PTK2: variants seen among roughly 807,000 people sequenced by gnomAD.
The protein encoded by PTK2 is protein tyrosine kinase 2.
In PTK2, 45 loss-of-function variants were observed where a neutral mutation model predicts 150.1. That is an observed-to-expected ratio of 0.30 (90% CI 0.24 to 0.38). The LOEUF (loss-of-function observed/expected upper bound fraction) is 0.38. Among genes scored for constraint, PTK2 ranks in the 10% least tolerant of loss-of-function variants. PTK2 has a pLI of 1.00. For missense variants in PTK2, 919 were observed against 1,307.3 expected (o/e 0.70, Z 4.58); for synonymous variants, 432 against 449.2 (o/e 0.96, Z 0.48).
At chr8:140,739,082 T>C in exon 21 of PTK2, 1 of 1,559,354 alleles carries the variant, frequency 6.4e-7, no homozygotes, top group African/African-American at 1.4e-5. Context: ...GAGCCATCCA[T>C]TTAATAGGCA....
At chr8:140,670,749 G>C (rs2095226467) in intron 29 of PTK2, among the ~76,000 whole-genome samples, 1 of 152,098 alleles carries the variant, frequency 6.6e-6, no homozygotes. Flanking sequence ...GAGAGTCACA[G>C]TGTGGTCTTC....
At chr8:140,798,062 T>C (rs118014506) in intron 12 of PTK2, among the ~76,000 whole-genome samples, 2 of 152,314 alleles carry the variant, frequency 1.3e-5, no homozygotes, top group East Asian at 3.9e-4. Context: ...CACTTATTAC[T>C]GTCATGCTAT....
At chr8:140,881,887 G>A (rs1300106698) in intron 3 of PTK2, among the ~76,000 whole-genome samples, 1 of 152,188 alleles carries the variant, frequency 6.6e-6, no homozygotes, top group Non-Finnish European at 1.5e-5. Flanking sequence ...ACGTAAGAGA[G>A]AGAATCTTAT....
intron 30 of PTK2, 97 bp downstream of exon 34, chr8:140,668,172 G>T: frequency 7.1e-7 from 1 of 1,410,810 alleles, no homozygotes; most frequent in Non-Finnish European, 9.9e-7. Flanking sequence ...TTCTGACTTT[G>T]GTGGGGCGGG....
chr8:140,952,995 G>C (rs1356160374), intron 1 of PTK2, among the ~76,000 whole-genome samples: 1 of 152,032 alleles, frequency 6.6e-6, no homozygotes, highest in Non-Finnish European at 1.5e-5. Flanking sequence ...CAGCATCTTC[G>C]CAATAACCCC....
intron 27 of PTK2, among the ~76,000 whole-genome samples, chr8:140,676,588 G>C (rs140682582): frequency 7.5e-6 from 1 of 132,866 alleles, no homozygotes; most frequent in Non-Finnish European, 1.7e-5. Context: ...TGGGGACTTC[G>C]AAGAGTTGCC....
chr8:140,817,214 A>T (rs73714759), intron 10 of PTK2, among the ~76,000 whole-genome samples: 3,363 of 152,078 alleles, frequency 0.022, 133 homozygotes, highest in African/African-American at 0.078. Context: ...AAAACACAGA[A>T]GATTACTAAA....
chr8:140,751,903 C>T (rs776840625), intron 17 of PTK2: 7 of 534,422 alleles, frequency 1.3e-5, no homozygotes, highest in South Asian at 9.8e-5. Flanking sequence ...TCATGCTCAC[C>T]TCTGCATTCC....
intron 8 of PTK2, among the ~76,000 whole-genome samples, chr8:140,819,970 G>T (rs1472174838): frequency 6.6e-6 from 1 of 150,548 alleles, no homozygotes; most frequent in African/African-American, 2.4e-5. Context: ...GTCTAATGAA[G>T]AGGGGCAAGA....
chr8:140,715,344 T>C (rs528258727), intron 23 of PTK2, among the ~76,000 whole-genome samples: 30 of 151,922 alleles, frequency 2.0e-4, no homozygotes, highest in African/African-American at 6.8e-4. Flanking sequence ...GGCTGATTTT[T>C]GTATATTAGT....
chr8:140,992,148 C>T (rs1335011731), intron 1 of PTK2, among the ~76,000 whole-genome samples: 1 of 151,620 alleles, frequency 6.6e-6, no homozygotes, highest in Non-Finnish European at 1.5e-5. Flanking sequence ...AAAAATTGGC[C>T]GGGTGTGGTG....
intron 1 of PTK2, among the ~76,000 whole-genome samples, chr8:140,976,831 T>C (rs2100189417): frequency 6.6e-6 from 1 of 152,200 alleles, no homozygotes; most frequent in African/African-American, 2.4e-5. Flanking sequence ...TACCTAAAAG[T>C]TTCTGAGTTG....
At chr8:140,820,107 T>TTTTTTG in intron 8 of PTK2, among the ~76,000 whole-genome samples, 1 of 78,254 alleles carries the variant, frequency 1.3e-5, no homozygotes, top group Non-Finnish European at 2.4e-5. Context: ...TTTTTTTTTT[T>TTTTTTG]TTTTTTTTTT....
intron 1 of PTK2, among the ~76,000 whole-genome samples, chr8:140,984,459 C>CT (rs1200061920): frequency 1.3e-5 from 2 of 152,304 alleles, no homozygotes; most frequent in East Asian, 3.9e-4. Context: ...AAATGCAAGT[C>CT]TGAGCCCTTC....
chr8:140,894,563 AAAG>A (rs1369932823), intron 2 of PTK2, among the ~76,000 whole-genome samples: 4 of 152,368 alleles, frequency 2.6e-5, no homozygotes, highest in African/African-American at 4.8e-5. Context: ...AAACAAAAGG[AAAG>A]AAGAAGAGCC....
chr8:140,885,187 G>A (rs1168696162), intron 3 of PTK2, among the ~76,000 whole-genome samples: 15 of 152,188 alleles, frequency 9.9e-5, no homozygotes, highest in Non-Finnish European at 1.5e-5. Context: ...GTAAAGTGGG[G>A]TATGGCTTTG....
chr8:140,986,448 G>T (rs1360444567), intron 1 of PTK2, among the ~76,000 whole-genome samples: 5 of 152,114 alleles, frequency 3.3e-5, no homozygotes, highest in East Asian at 3.8e-4. Flanking sequence ...GACAAGACAA[G>T]AAATAAATAA....
intron 1 of PTK2, among the ~76,000 whole-genome samples, chr8:140,939,773 A>G (rs1298259227): frequency 6.6e-6 from 1 of 152,248 alleles, no homozygotes; most frequent in Non-Finnish European, 1.5e-5. Context: ...TTATACAATG[A>G]AAAATTATTT....
chr8:140,738,967 A>T (rs780585734), intron 21 of PTK2, 51 bp downstream of exon 24: 1 of 1,273,536 alleles, frequency 7.9e-7, no homozygotes, highest in South Asian at 1.7e-5. Context: ...TTTTTTGTAT[A>T]ACATATGAAA....
Sources: allele counts gnomAD v4.1 joint callset (sites outside exome capture counted in the v4.1 genomes callset), GRCh38; gene constraint gnomAD v4.1.1; transcripts MANE v1.5; gene names NCBI Gene and HGNC (gene_info 2026-07-23, HGNC 2026-07-21).